The following RSPO1 variants were observed in gnomAD, a reference collection of about 807,000 sequenced individuals.
The protein encoded by RSPO1 is R-spondin-1.
In RSPO1, 18 loss-of-function variants were observed where a neutral mutation model predicts 26.0. That is an observed-to-expected ratio of 0.69 (90% CI 0.48 to 1.03). RSPO1 has a LOEUF of 1.03. RSPO1 is among the 50% of genes least tolerant of loss of function. The pLI is 0.00. For synonymous variants in RSPO1, 133 were observed against 137.4 expected (o/e 0.97, Z 0.22); for missense variants, 309 against 352.3 (o/e 0.88, Z 0.98).
At chr1:37,628,102 G>A (rs1302446599) in intron 3 of RSPO1, among the ~76,000 whole-genome samples, 1 of 152,258 alleles carries the variant, frequency 6.6e-6, no homozygotes, top group East Asian at 1.9e-4. Flanking sequence ...AGCCAGGCAT[G>A]AGGCTCTGCA....
chr1:37,632,217 C>G (rs1315451543), intron 2 of RSPO1, 70 bp downstream of exon 2: 1 of 152,284 alleles, frequency 6.6e-6, no homozygotes, highest in Non-Finnish European at 1.5e-5. Flanking sequence ...TTTCCTCCCT[C>G]TCCTCTCCCT....
chr1:37,623,112 G>A (rs79846978), intron 3 of RSPO1, among the ~76,000 whole-genome samples: 6,784 of 151,738 alleles, frequency 0.045, 485 homozygotes, highest in African/African-American at 0.16. Context: ...GGGTTTGGGG[G>A]CTCAGAAGAG....
intron 3 of RSPO1, among the ~76,000 whole-genome samples, chr1:37,626,845 A>C (rs563034687): frequency 3.9e-4 from 59 of 152,080 alleles, no homozygotes; most frequent in African/African-American, 1.4e-3. Context: ...GCGAGGGATG[A>C]GTGGGAATGA....
Position 37,629,815 on chromosome 1 carries a change from A to C in RSPO1, c.-154T>G, listed in dbSNP as rs770489112. ...ATCCACCATAATCTCAGCTGGGGAC[A>C]GAGAGGGTGTGGGGAGCCCAGTTCT... On this transcript the variant is annotated 5_prime_UTR_variant, in exon 3 of 7. Transcript: ENST00000356545. The C allele has an allele frequency of 2.6e-6, 4 of 1,550,980 alleles. No homozygotes were observed. Among genetic ancestry groups the C allele is most frequent in the East Asian group, 4.9e-5 (2 of 40,908 alleles).
rs955175476 is a variant in RSPO1 at position 37,616,509 on chromosome 1, G to A, written c.261C>T (p.Arg87=). The A allele has an allele frequency of 6.2e-7, 1 of 1,614,094 alleles. No individual in the cohort carries two copies. The highest frequency in any genetic ancestry group is 1.3e-5 in the African/African-American group (1 of 74,926). ...PSCPPGYFDA[R]NPDMNKCIKC... is the part of the protein sequence containing the mutation. ...TGATGCACTTGTTCATGTCGGGGTT[G>A]CGGGCGTCGAAGTATCCAGGTGGGC... Residue 87 remains arginine, a synonymous_variant, in exon 4 of 7, where the codon CGC becomes CGT. Transcript: ENST00000356545.
Position 37,629,431 on chromosome 1 carries a change from G to A in RSPO1, c.94+137C>T, listed in dbSNP as rs1644323922. The A allele has an allele frequency of 4.2e-6, 3 of 715,530 alleles. No individual in the cohort carries two copies. In the Admixed American group the frequency reaches 6.3e-5, roughly 15 times the overall value. The allele number at this position is 715,530 out of a possible 1,614,324, so 44.3% of individuals were successfully genotyped here. A position where few individuals can be genotyped will look rare whatever the true frequency, so the allele number is the denominator to read the frequency against. ...CCACAAACAGGATCATCTACTGAGT[G>A]ATCTACAAAGCTATAATAGATAGAG... On this transcript the variant is annotated intron_variant, in intron 3 of 6. Coordinates refer to ENST00000356545, the MANE Select transcript of RSPO1 (RefSeq NM_001242908.2).
chr1:37,632,503 A>G (rs1644373710), intron 1 of RSPO1, 150 bp from the exon 2 acceptor site: 1 of 34,532 alleles, frequency 2.9e-5, no homozygotes, highest in African/African-American at 6.8e-5. Flanking sequence ...GTTCCTCTAT[A>G]CCAGGGGGTA....
intron 3 of RSPO1, among the ~76,000 whole-genome samples, chr1:37,617,407 C>G (rs1356591223): frequency 6.6e-6 from 1 of 152,088 alleles, no homozygotes; most frequent in Non-Finnish European, 1.5e-5. Context: ...GCCTGTAATC[C>G]CAGCACTTTG....
chr1:37,618,398 G>GA (rs1644149684), intron 3 of RSPO1, among the ~76,000 whole-genome samples: 1 of 152,194 alleles, frequency 6.6e-6, no homozygotes, highest in Non-Finnish European at 1.5e-5. Flanking sequence ...TTTGGCCACA[G>GA]AACACTTGTT....
At chr1:37,619,747 T>C (rs1008547916) in intron 3 of RSPO1, among the ~76,000 whole-genome samples, 1 of 151,030 alleles carries the variant, frequency 6.6e-6, no homozygotes, top group African/African-American at 2.4e-5. Context: ...AAATATATTA[T>C]CCTTTTTTTT....
chr1:37,627,794 T>C (rs554678820), intron 3 of RSPO1, among the ~76,000 whole-genome samples: 1 of 152,342 alleles, frequency 6.6e-6, no homozygotes, highest in East Asian at 1.9e-4. Flanking sequence ...ACATAACAAG[T>C]ATTGACAAAC....
chr1:37,618,580 G>T (rs181800237), intron 3 of RSPO1, among the ~76,000 whole-genome samples: 1 of 152,168 alleles, frequency 6.6e-6, no homozygotes, highest in Non-Finnish European at 1.5e-5. Flanking sequence ...GGTGAGAAAA[G>T]TGAGAAAGTC....
intron 4 of RSPO1, among the ~76,000 whole-genome samples, chr1:37,616,257 G>A (rs532483954): frequency 6.6e-6 from 1 of 152,200 alleles, no homozygotes; most frequent in African/African-American, 2.4e-5. Context: ...GGACATGGAG[G>A]GTGACCTCTG....
chr1:37,628,563 T>G (rs980582001), intron 3 of RSPO1, among the ~76,000 whole-genome samples: 23 of 152,240 alleles, frequency 1.5e-4, no homozygotes, highest in African/African-American at 4.8e-4. Context: ...TCATGCGGGA[T>G]GTCAAAAGAC....
At position 37,613,013 on chromosome 1, in the gene RSPO1, G is replaced by T; in HGVS notation, c.626-92C>A. On this transcript the variant is annotated intron_variant, in intron 6 of 6. Transcript: ENST00000356545. The surrounding 1 kb of genome is among the most constrained non-coding windows in gnomAD (Gnocchi z 4.5). ...GGCCCTAGGAGGGGAGTGTGAGGAA[G>T]CCGGAAGGGGAGGCAGGGAGGAGGC... The T allele has an allele frequency of 1.4e-6, 2 of 1,432,716 alleles. No individual in the cohort carries two copies. The highest frequency in any genetic ancestry group is 1.9e-6 in the Non-Finnish European group (2 of 1,028,032). 88.8% of individuals were successfully genotyped at this position (1,432,716 alleles called of 1,614,324 possible). A position where few individuals can be genotyped will look rare whatever the true frequency, so the allele number is the denominator to read the frequency against.
intron 3 of RSPO1, among the ~76,000 whole-genome samples, chr1:37,622,478 T>C (rs1276037512): frequency 1.3e-5 from 2 of 152,112 alleles, no homozygotes; most frequent in Non-Finnish European, 2.9e-5. Flanking sequence ...GCCACTGCAC[T>C]CCAGCCTGGA....
At chr1:37,620,554 C>T (rs1168081125) in intron 3 of RSPO1, among the ~76,000 whole-genome samples, 1 of 151,802 alleles carries the variant, frequency 6.6e-6, no homozygotes, top group African/African-American at 2.4e-5. Context: ...TCACTTGAAC[C>T]CAGGAGGCAG....
At chr1:37,621,271 T>C (rs376179237) in intron 3 of RSPO1, among the ~76,000 whole-genome samples, 27 of 152,264 alleles carry the variant, frequency 1.8e-4, no homozygotes, top group African/African-American at 6.5e-4. Context: ...GTTCACACCC[T>C]ATCCTGAAGG....
intron 2 of RSPO1, among the ~76,000 whole-genome samples, chr1:37,631,019 GAGTC>G (rs1356591457): frequency 9.9e-5 from 14 of 142,118 alleles, no homozygotes; most frequent in Non-Finnish European, 3.1e-5. Flanking sequence ...GGCTAGCTGA[GAGTC>G]AGAGAGTTCA....
Sources: gnomAD v4.1 joint callset for allele counts (sites outside exome capture counted in the v4.1 genomes callset) on GRCh38, gnomAD v4.1.1 for gene constraint, Gnocchi (gnomAD v3.1) non-coding constraint, MANE v1.5 for transcripts, NCBI Gene and HGNC (gene_info 2026-07-23, HGNC 2026-07-21) for gene names.